PLCG2: variants seen among roughly 807,000 people sequenced by gnomAD.
PLCG2 encodes the protein 1-phosphatidylinositol 4,5-bisphosphate phosphodiesterase gamma-2.
Under a neutral mutation model 175.6 loss-of-function variants are expected in PLCG2, and 69 were observed. The ratio of observed to expected loss-of-function variants is 0.39; its 90% CI spans 0.32 to 0.48. The LOEUF (loss-of-function observed/expected upper bound fraction) is 0.48. Ranked by LOEUF, PLCG2 falls within the 20% of genes least tolerant of loss-of-function variation. The probability of loss-of-function intolerance (pLI) is 0.91; values close to 1 mark genes in which losing one functional copy is unlikely to be tolerated. For synonymous variants in PLCG2, 827 were observed against 624.0 expected (o/e 1.33, Z -4.85); for missense variants, 1,798 against 1,650.9 (o/e 1.09, Z -1.54).
At chr16:81,776,556 C>G (rs751722782), upstream of PLCG2, among the ~76,000 whole-genome samples, 1 of 152,094 alleles carries the variant, frequency 6.6e-6, no homozygotes, top group Admixed American at 6.5e-5. Context: ...TTGATGATGA[C>G]GACGATTGTT....
intron 5 of PLCG2, among the ~76,000 whole-genome samples, chr16:81,867,627 G>C (rs1193766458): frequency 6.6e-6 from 1 of 152,002 alleles, no homozygotes; most frequent in Non-Finnish European, 1.5e-5. Flanking sequence ...TGAAGTTTCA[G>C]CTTTTGTTAC....
intron 13 of PLCG2, among the ~76,000 whole-genome samples, chr16:81,899,384 C>G (rs548895300): frequency 2.0e-5 from 3 of 151,866 alleles, no homozygotes; most frequent in African/African-American, 7.2e-5. Context: ...TACACGTTCA[C>G]ATGATATAGA....
intron 2 of PLCG2, among the ~76,000 whole-genome samples, chr16:81,759,396 C>A (rs764725529): frequency 2.6e-5 from 4 of 152,140 alleles, no homozygotes; most frequent in Non-Finnish European, 5.9e-5. Context: ...TTTTATTTCC[C>A]TTTTAAATAT....
chr16:81,782,369 A>G (rs1351155546), intron 1 of PLCG2, among the ~76,000 whole-genome samples: 3 of 152,246 alleles, frequency 2.0e-5, no homozygotes, highest in Non-Finnish European at 4.4e-5. Context: ...AGGAACAAAA[A>G]AGGGATTTCA....
rs142227086 is a variant in PLCG2, at chr16:81,961,196, G to C, written c.*3198G>C. ...GGGGTTGGAAGAATTCAGTGATTCT[G>C]CTATCATAAAGCTTCCGTTCCCATT... On this transcript the variant is annotated 3_prime_UTR_variant, in exon 33 of 33. Transcript: ENST00000564138. The C allele has an allele frequency of 4.2e-4, 96 of 227,630 alleles. No homozygotes were observed. The highest frequency in any genetic ancestry group is 9.6e-5 in the Non-Finnish European group (11 of 114,730). The allele number at this position is 227,630 out of a possible 1,614,324, so 14.1% of individuals were successfully genotyped here.
Position 81,938,932 on chromosome 16 carries a change from G to T in PLCG2, c.3313+17G>T, listed in dbSNP as rs1387347616. On this transcript the variant is annotated intron_variant, in intron 29 of 32. Coordinates refer to ENST00000564138, the MANE Select transcript of PLCG2 (RefSeq NM_002661.5). ...CGGTTGTGAGTAAGTCAGTCACCTT[G>T]GCCCCTCTGCTTTTAAACGTCCGGC... The T allele has an allele frequency of 6.9e-7, 1 of 1,458,374 alleles. No homozygotes were observed. The highest frequency in any genetic ancestry group is 9.6e-7 in the Non-Finnish European group (1 of 1,040,662). The allele number at this position is 1,458,374 out of a possible 1,614,324, so 90.3% of individuals were successfully genotyped here. A position where few individuals can be genotyped will look rare whatever the true frequency, so the allele number is the denominator to read the frequency against.
chr16:81,795,157 T>C (rs1189421725), intron 2 of PLCG2, among the ~76,000 whole-genome samples: 1 of 152,212 alleles, frequency 6.6e-6, no homozygotes, highest in Non-Finnish European at 1.5e-5. Flanking sequence ...CTCTAGAGGA[T>C]CTTACAATCT....
chr16:81,795,203 C>A (rs1295102886), intron 2 of PLCG2, among the ~76,000 whole-genome samples: 1 of 152,164 alleles, frequency 6.6e-6, no homozygotes, highest in Non-Finnish European at 1.5e-5. Flanking sequence ...CTAACACATT[C>A]AATCATGTTG....
chr16:81,825,856 A>G (rs9940462), intron 2 of PLCG2, among the ~76,000 whole-genome samples: 6,075 of 152,240 alleles, frequency 0.04, 173 homozygotes, highest in African/African-American at 0.074. Flanking sequence ...AAGTCTTAGG[A>G]AGACAGAGAC....
chr16:81,839,427 T>G, intron 2 of PLCG2, among the ~76,000 whole-genome samples: 1 of 152,250 alleles, frequency 6.6e-6, no homozygotes, highest in East Asian at 1.9e-4. Context: ...AGTACTGGTT[T>G]AAAGAAAAGC....
intron 2 of PLCG2, among the ~76,000 whole-genome samples, chr16:81,821,900 G>C (rs1904816408): frequency 6.6e-6 from 1 of 150,918 alleles, no homozygotes; most frequent in Admixed American, 6.6e-5. Flanking sequence ...GCAGCACAAA[G>C]AGAGAGCCAG....
chr16:81,741,948 C>T (rs557454139), intron 1 of PLCG2, among the ~76,000 whole-genome samples: 1 of 152,270 alleles, frequency 6.6e-6, no homozygotes, highest in African/African-American at 2.4e-5. Flanking sequence ...ACCATATTCA[C>T]CCTACAGTGA....
intron 2 of PLCG2, among the ~76,000 whole-genome samples, chr16:81,817,995 A>G (rs1409646917): frequency 6.6e-6 from 1 of 152,236 alleles, no homozygotes; most frequent in Non-Finnish European, 1.5e-5. Flanking sequence ...GGGCAAGATT[A>G]GAGAGACCTG....
intron 15 of PLCG2, among the ~76,000 whole-genome samples, chr16:81,906,701 G>A: frequency 6.6e-6 from 1 of 152,220 alleles, no homozygotes. Flanking sequence ...TAGGATTACT[G>A]GCGTGGGCCA....
chr16:81,797,911 A>G (rs570038267), intron 2 of PLCG2, among the ~76,000 whole-genome samples: 9 of 151,290 alleles, frequency 5.9e-5, no homozygotes, highest in Non-Finnish European at 1.2e-4. Context: ...GTTCACTGCA[A>G]CCTCTGCCTC....
In PLCG2 at chr16:81,931,650, C is replaced by G; in HGVS notation, c.2735C>G (p.Thr912Ser). 1 of 1,613,394 alleles carries G rather than the reference C, an allele frequency of 6.2e-7. No individual in the cohort carries two copies. Among genetic ancestry groups the G allele is most frequent in the Non-Finnish European group, 8.5e-7 (1 of 1,179,506 alleles). Residue 912 changes from threonine to serine, a missense_variant, in exon 25 of 33, where the codon ACC (threonine) becomes AGC (serine). By Grantham distance (58) the Thr-to-Ser change is moderately conservative. Transcript: ENST00000564138. ...SIREITWKIDTKENNMKYWEK... is the reference protein window; with the variant it reads ...SIREITWKIDSKENNMKYWEK... ...CGAGAGATCACCTGGAAGATTGACA[C>G]CAAGGTAGGCACCTGCTCACCCGGG...
Position 81,936,307 on chromosome 16 carries a change from C to G in PLCG2, c.2981C>G (p.Ser994Cys). ...TACCCAAAGGGACAAAGAGTTGACT[C>G]TTCAAACTACGACCCCTTCCGCCTC... ...RVYPKGQRVD[S>C]SNYDPFRLWL... The change falls in exon 27 of 33, where the codon TCT (serine) becomes TGT (cysteine). Residue 994 changes from serine to cysteine, a missense_variant. Ser to Cys is a moderately radical substitution (Grantham distance 112). Transcript: ENST00000564138. 6.2e-7 allele frequency: 1 copy of G among 1,614,240 alleles called. No individual in the cohort carries two copies. The highest frequency in any genetic ancestry group is 8.5e-7 in the Non-Finnish European group (1 of 1,180,044).
chr16:81,902,608 T>G (rs1021283459), intron 14 of PLCG2, among the ~76,000 whole-genome samples: 1 of 152,118 alleles, frequency 6.6e-6, no homozygotes, highest in Non-Finnish European at 1.5e-5. Context: ...AGCTCTACTC[T>G]CATTCCCACT....
chr16:81,852,322 G>A (rs1906458854), intron 2 of PLCG2, among the ~76,000 whole-genome samples: 1 of 152,128 alleles, frequency 6.6e-6, no homozygotes, highest in South Asian at 2.1e-4. Context: ...ACTGAGCCAG[G>A]GCACTTGGGT....
Sources: allele counts gnomAD v4.1 joint callset (sites outside exome capture counted in the v4.1 genomes callset), GRCh38; gene constraint gnomAD v4.1.1; transcripts MANE v1.5; gene names NCBI Gene and HGNC (gene_info 2026-07-23, HGNC 2026-07-21).